Variants in TLK2 observed in about 807,000 individuals in gnomAD.
TLK2 encodes the protein serine/threonine-protein kinase tousled-like 2.
Under a neutral mutation model 117.3 loss-of-function variants are expected in TLK2, and 6 were observed. That is an observed-to-expected ratio of 0.05 (90% CI 0.03 to 0.10). The LOEUF is 0.10. TLK2 is among the 10% of genes least tolerant of loss of function. The probability of loss-of-function intolerance (pLI) is 1.00; values close to 1 mark genes in which losing one functional copy is unlikely to be tolerated. For synonymous variants in TLK2, 257 were observed against 316.7 expected (o/e 0.81, Z 2.00); for missense variants, 299 against 901.2 (o/e 0.33, Z 8.56).
intron 2 of TLK2, among the ~76,000 whole-genome samples, chr17:62,482,743 C>T (rs781633755): frequency 1.3e-5 from 2 of 152,180 alleles, no homozygotes; most frequent in Admixed American, 1.3e-4. Flanking sequence ...TGAGCCACCA[C>T]GCCCAACCAG....
intron 6 of TLK2, among the ~76,000 whole-genome samples, chr17:62,534,403 G>C (rs1178019988): frequency 1.3e-5 from 2 of 152,180 alleles, no homozygotes; most frequent in Non-Finnish European, 2.9e-5. Flanking sequence ...ATATTCATCT[G>C]TGAAGCTGTA....
chr17:62,505,185 C>T (rs528577769), intron 2 of TLK2, among the ~76,000 whole-genome samples: 42 of 152,216 alleles, frequency 2.8e-4, no homozygotes, highest in African/African-American at 9.1e-4. Context: ...AAAACACTGT[C>T]AGGATTTCTT....
intron 2 of TLK2, among the ~76,000 whole-genome samples, chr17:62,490,748 G>C (rs891323083): frequency 2.0e-5 from 3 of 151,900 alleles, no homozygotes; most frequent in African/African-American, 4.8e-5. Flanking sequence ...CACCATGTTG[G>C]CCGGGCTGGT....
chr17:62,535,080 G>A (rs1351151378), intron 6 of TLK2, among the ~76,000 whole-genome samples: 1 of 151,876 alleles, frequency 6.6e-6, no homozygotes, highest in East Asian at 1.9e-4. Flanking sequence ...ATAGAGATGG[G>A]TTTCACCACG....
chr17:62,596,465 C>A lies in TLK2; in HGVS notation c.1461-120C>A, dbSNP rs879122595. The A allele has an allele frequency of 9.5e-6, 7 of 733,332 alleles. No individual in the cohort carries two copies. The East Asian group carries it at 1.6e-4, about 16-fold the overall frequency. 45.4% of individuals were successfully genotyped at this position (733,332 alleles called of 1,614,324 possible). A position where few individuals can be genotyped will look rare whatever the true frequency, so the allele number is the denominator to read the frequency against. On this transcript the variant is annotated intron_variant, in intron 16 of 21. Coordinates refer to ENST00000346027, the MANE Select transcript of TLK2 (RefSeq NM_006852.6). ...AAAGTCAGATGAGGGACCAGATGGACCTGAATGGAATTAACATGTGGAGAC... is the reference window on the plus strand; with the variant it reads ...AAAGTCAGATGAGGGACCAGATGGAACTGAATGGAATTAACATGTGGAGAC...
At chr17:62,507,570 C>G (rs1253041876) in intron 2 of TLK2, 2 of 152,058 alleles carry the variant, frequency 1.3e-5, no homozygotes, top group Non-Finnish European at 2.9e-5. Flanking sequence ...TTCTTTATAC[C>G]TAGGCAGGCG....
rs546341777 is a variant in TLK2 at position 62,583,722 on chromosome 17, C to T, written c.1369-2413C>T. Among the ~76,000 whole-genome samples the T allele has an allele frequency of 8.0e-4, 121 of 151,884 alleles. 1 individual carries two copies. Among genetic ancestry groups the T allele is most frequent in the African/African-American group, 2.8e-3 (114 of 41,432 alleles). On this transcript the variant is annotated intron_variant, in intron 15 of 21. Coordinates refer to ENST00000346027, the MANE Select transcript of TLK2 (RefSeq NM_006852.6). The stretch of plus-strand genomic sequence containing the variant: ...CCTCCCGAGTAGCTGGGATTACAGG[C>T]GCCCGACCCCACACCCGGATAATTT...
At chr17:62,507,870 G>GA (rs2074833341) in intron 2 of TLK2, among the ~76,000 whole-genome samples, 1 of 150,764 alleles carries the variant, frequency 6.6e-6, no homozygotes, top group Non-Finnish European at 1.5e-5. Context: ...GATCCCCCTA[G>GA]AAAAAAAAGT....
intron 2 of TLK2, among the ~76,000 whole-genome samples, chr17:62,502,634 T>A (rs2258252): frequency 6.6e-6 from 1 of 152,116 alleles, no homozygotes; most frequent in African/African-American, 2.4e-5. Context: ...ACACATAGCC[T>A]TAAGCAAGCT....
At chr17:62,603,409 G>C (rs990537317) in intron 19 of TLK2, among the ~76,000 whole-genome samples, 8 of 152,166 alleles carry the variant, frequency 5.3e-5, no homozygotes, top group African/African-American at 1.9e-4. Context: ...GTTATTGTGG[G>C]CTAGTGTTCC....
chr17:62,488,939 C>T (rs2072791519), intron 2 of TLK2, among the ~76,000 whole-genome samples: 1 of 151,222 alleles, frequency 6.6e-6, no homozygotes, highest in Admixed American at 6.6e-5. Flanking sequence ...GCTCCTCCCG[C>T]CTCAGCCTCC....
chr17:62,537,607 A>G (rs1313234862), intron 7 of TLK2, among the ~76,000 whole-genome samples: 1 of 152,122 alleles, frequency 6.6e-6, no homozygotes, highest in Non-Finnish European at 1.5e-5. Context: ...CTTCCTGTCC[A>G]GGTCTGGTTT....
chr17:62,612,275 C>T (rs2083853534), intron 21 of TLK2, 117 bp from the exon 22 acceptor site: 3 of 1,135,254 alleles, frequency 2.6e-6, no homozygotes, highest in African/African-American at 3.1e-5. Flanking sequence ...AGGCCTTAAG[C>T]CCCTTCTCTT....
At chr17:62,580,007 A>G in intron 14 of TLK2, 104 bp from the exon 15 acceptor site, 2 of 766,774 alleles carry the variant, frequency 2.6e-6, no homozygotes, top group Non-Finnish European at 4.2e-6. Flanking sequence ...TACCAACAGC[A>G]GCTATAATTA....
rs143901997 is a variant in TLK2, at chr17:62,574,578, T to C, written c.1121+1211T>C. 3.5e-3 allele frequency among the ~76,000 whole-genome samples: 526 copies of C among 152,048 alleles called. 3 individuals are homozygous for C. The highest frequency in any genetic ancestry group is 0.012 in the African/African-American group (491 of 41,468). On this transcript the variant is annotated intron_variant, in intron 12 of 21. Coordinates refer to ENST00000346027, the MANE Select transcript of TLK2 (RefSeq NM_006852.6). ...CGTCGCCCAGGCCAGAGTGCAGTGG[T>C]GCTATCTCGGCTCACTGAAACCTGT...
At chr17:62,548,793 G>T (rs1395458472) in intron 7 of TLK2, among the ~76,000 whole-genome samples, 1 of 151,632 alleles carries the variant, frequency 6.6e-6, no homozygotes, top group Non-Finnish European at 1.5e-5. Flanking sequence ...CTGGAGTGCG[G>T]TGGCATGATC....
At chr17:62,594,861 C>A (rs574302370) in intron 16 of TLK2, among the ~76,000 whole-genome samples, 1 of 152,034 alleles carries the variant, frequency 6.6e-6, no homozygotes, top group Non-Finnish European at 1.5e-5. Context: ...GAACCCAACA[C>A]ATGTGCCTTT....
chr17:62,605,817 C>T (rs1256971309), intron 19 of TLK2, among the ~76,000 whole-genome samples: 1 of 151,806 alleles, frequency 6.6e-6, no homozygotes, highest in Non-Finnish European at 1.5e-5. Context: ...CCAGCCTGGG[C>T]AACACAGTGA....
chr17:62,511,240 C>CT (rs2075121112), intron 2 of TLK2, among the ~76,000 whole-genome samples: 4 of 152,210 alleles, frequency 2.6e-5, no homozygotes, highest in Admixed American at 2.6e-4. Context: ...TCATAAGGCT[C>CT]TTTCCTGCTA....
Sources: allele counts gnomAD v4.1 joint callset (sites outside exome capture counted in the v4.1 genomes callset), GRCh38; gene constraint gnomAD v4.1.1; transcripts MANE v1.5; gene names NCBI Gene and HGNC (gene_info 2026-07-23, HGNC 2026-07-21).